The following SLC25A36 variants were observed in gnomAD, a reference collection of about 807,000 sequenced individuals.
SLC25A36 encodes solute carrier family 25 member 36, also known as epididymis secretory sperm binding protein.
A neutral mutation model predicts 35.3 loss-of-function variants in SLC25A36; 24 were observed. The observed-to-expected ratio is 0.68, with a 90% CI of 0.49 to 0.96. SLC25A36 has a LOEUF of 0.96. Among genes scored for constraint, SLC25A36 ranks in the 40% least tolerant of loss-of-function variants. The pLI is 0.00. For synonymous variants in SLC25A36, 141 were observed against 132.2 expected (o/e 1.07, Z -0.46); for missense variants, 294 against 381.1 (o/e 0.77, Z 1.90).
intron 5 of SLC25A36, 126 bp downstream of exon 5, chr3:140,971,119 G>T (rs1229702961): frequency 1.1e-5 from 6 of 542,048 alleles, no homozygotes; most frequent in Non-Finnish European, 2.0e-5. Flanking sequence ...ACTTGGGTCT[G>T]CCATCAGAAA....
chr3:140,945,049 G>C (rs1934125904), intron 1 of SLC25A36, among the ~76,000 whole-genome samples: 1 of 152,212 alleles, frequency 6.6e-6, no homozygotes, highest in East Asian at 1.9e-4. Context: ...ACCAAAAACT[G>C]GTGGCTTATA....
At chr3:140,958,409 G>A (rs980622465) in intron 2 of SLC25A36, among the ~76,000 whole-genome samples, 1 of 152,040 alleles carries the variant, frequency 6.6e-6, no homozygotes, top group Non-Finnish European at 1.5e-5. Context: ...TTGTTAATAT[G>A]GTCTGTTAAT....
chr3:140,976,171 T>C, intron 6 of SLC25A36, 89 bp from the exon 7 acceptor site: 1 of 882,616 alleles, frequency 1.1e-6, no homozygotes, highest in Non-Finnish European at 1.7e-6. Flanking sequence ...GAGCTTACAC[T>C]TACAGACTGA....
Position 140,963,142 on chromosome 3 carries a change from T to C in SLC25A36, c.300T>C (p.Ala100=). Residue 100 remains alanine (A), a synonymous_variant, in exon 4 of 7, where the codon GCT becomes GCC. Transcript: ENST00000324194. ...TCTATTTTAGAGCAATATACTTTGC[T>C]GCTTATTCAAACTGCAAGGAAAAGT... ...GVAPSRAIYF[A]AYSNCKEKLN... is the part of the protein sequence containing the mutation. 6.3e-7 allele frequency: 1 copy of C among 1,585,336 alleles called. No homozygotes were observed. The highest frequency in any genetic ancestry group is 8.5e-7 in the Non-Finnish European group (1 of 1,171,460).
intron 4 of SLC25A36, among the ~76,000 whole-genome samples, chr3:140,967,299 A>G (rs1187928195): frequency 6.6e-6 from 1 of 151,870 alleles, no homozygotes; most frequent in Admixed American, 6.6e-5. Flanking sequence ...CAATATATAT[A>G]TAGCTGTAAA....
At chr3:140,944,313 A>G (rs1454322147) in intron 1 of SLC25A36, among the ~76,000 whole-genome samples, 1 of 152,214 alleles carries the variant, frequency 6.6e-6, no homozygotes, top group Non-Finnish European at 1.5e-5. Context: ...GTTAAACACC[A>G]GCACTGGACC....
rs1193380070 is a variant in SLC25A36 at position 140,976,646 on chromosome 3, A to AC, written c.*193_*194insC. ...GCCTTTCGGTAATGTGAAAAAAAAA[A>AC]AAAACCTCAGAGCCTCCAAGGAAAT... On this transcript the variant is annotated 3_prime_UTR_variant, in exon 7 of 7. Transcript: ENST00000324194. 4.0e-5 allele frequency: 16 copies of AC among 403,862 alleles called. 1 individual carries two copies. The highest frequency in any genetic ancestry group is 5.5e-5 in the Non-Finnish European group (13 of 234,312). 25.0% of individuals were successfully genotyped at this position (403,862 alleles called of 1,614,324 possible). A position where few individuals can be genotyped will look rare whatever the true frequency, so the allele number is the denominator to read the frequency against.
rs1198013477 is a variant in SLC25A36 at position 140,977,577 on chromosome 3, T to G, written c.*1124T>G. 6.6e-6 allele frequency: 1 copy of G among 152,218 alleles called. No homozygotes were observed. The highest frequency in any genetic ancestry group is 1.5e-5 in the Non-Finnish European group (1 of 68,036). 9.4% of individuals were successfully genotyped at this position (152,218 alleles called of 1,614,324 possible). A position where few individuals can be genotyped will look rare whatever the true frequency, so the allele number is the denominator to read the frequency against. ...ACAAGAAATTTATTCTGTCCTAGTTTCCTGCGTGGTAAATCATAGAAAGAT... is the reference window on the plus strand; with the variant it reads ...ACAAGAAATTTATTCTGTCCTAGTTGCCTGCGTGGTAAATCATAGAAAGAT... On this transcript the variant is annotated 3_prime_UTR_variant, in exon 7 of 7. Coordinates refer to ENST00000324194, the MANE Select transcript of SLC25A36 (RefSeq NM_001104647.3).
chr3:140,944,298 G>T (rs1282552334), intron 1 of SLC25A36, among the ~76,000 whole-genome samples: 1 of 152,162 alleles, frequency 6.6e-6, no homozygotes, highest in Non-Finnish European at 1.5e-5. Context: ...CCTAGTAGCT[G>T]TATTGTTAAA....
In SLC25A36 at chr3:140,973,722, CG is replaced by C; in HGVS notation, c.463del (p.Glu155LysfsTer19). On this transcript the variant is annotated frameshift_variant, in exon 6 of 7. Coordinates refer to ENST00000324194, the MANE Select transcript of SLC25A36 (RefSeq NM_001104647.3). LOFTEE classifies it high-confidence loss of function. ...GTTTCTTTTTGCTTTTCAGGAACCG[CG>C]GGGAAAGGCGAATGGGTGCTTTTGA... Reference protein sequence around the residue: ...TRLQLDARNRGERRMGAFECV... With the variant: ...TRLQLDARNRXERRMGAFECV... 1 of 1,466,220 alleles carries C rather than the reference CG, an allele frequency of 6.8e-7. No individual in the cohort carries two copies. 90.8% of individuals were successfully genotyped at this position (1,466,220 alleles called of 1,614,324 possible). A position where few individuals can be genotyped will look rare whatever the true frequency, so the allele number is the denominator to read the frequency against.
intron 4 of SLC25A36, chr3:140,964,156 C>G (rs2107803730): frequency 6.6e-6 from 1 of 152,018 alleles, no homozygotes; most frequent in East Asian, 1.9e-4. Flanking sequence ...CTGTTAAACA[C>G]TTTTGGTTTA....
At chr3:140,965,209 A>G (rs536354152) in intron 4 of SLC25A36, 39 of 151,990 alleles carry the variant, frequency 2.6e-4, no homozygotes, top group African/African-American at 9.1e-4. Context: ...GAATGGTCCA[A>G]TGCAGACTCA....
At chr3:140,971,842 T>C (rs1042589957) in intron 5 of SLC25A36, among the ~76,000 whole-genome samples, 4 of 152,238 alleles carry the variant, frequency 2.6e-5, no homozygotes, top group African/African-American at 9.6e-5. Flanking sequence ...GTGTATAACA[T>C]GTTTCTACTG....
In SLC25A36 at chr3:140,969,956, G is replaced by A. The variant is rs1043953254; in HGVS notation, c.386-971G>A. On this transcript the variant is annotated intron_variant, in intron 4 of 6. Coordinates refer to ENST00000324194, the MANE Select transcript of SLC25A36 (RefSeq NM_001104647.3). ...TTTTATTGAGTAAATGTAACTTAAC[G>A]TAAGTAGTTCTATGAAGTCTGTGTA... Among the ~76,000 whole-genome samples, 15 of 151,992 alleles carry A rather than the reference G, an allele frequency of 9.9e-5. No individual in the cohort carries two copies. In the South Asian group the frequency reaches 2.5e-3, roughly 25 times the overall value.
chr3:140,959,532 C>A lies in SLC25A36; in HGVS notation c.276C>A (p.Ala92=). Residue 92 remains alanine, a synonymous_variant, in exon 3 of 7, where the codon GCC becomes GCA. Transcript: ENST00000324194. The stretch of plus-strand genomic sequence containing the variant: ...TAGGCCCCAATTTAGTGGGGGTAGC[C>A]CCTTCCAGGTAAAAAAAAAAAAAAA... The part of the protein sequence containing the change: ...RGLGPNLVGV[A]PSRAIYFAAY... 1 of 1,465,756 alleles carries A rather than the reference C, an allele frequency of 6.8e-7. No homozygotes were observed. The highest frequency in any genetic ancestry group is 2.7e-5 in the East Asian group (1 of 36,838). The allele number at this position is 1,465,756 out of a possible 1,614,324, so 90.8% of individuals were successfully genotyped here. A position where few individuals can be genotyped will look rare whatever the true frequency, so the allele number is the denominator to read the frequency against.
intron 2 of SLC25A36, among the ~76,000 whole-genome samples, chr3:140,958,964 G>C (rs1158813396): frequency 1.4e-5 from 1 of 73,532 alleles, no homozygotes; most frequent in Admixed American, 1.6e-4. Context: ...AATGTTTTGT[G>C]TGTGTGTGTG....
intron 4 of SLC25A36, chr3:140,964,458 G>C (rs866178126): frequency 1.3e-5 from 2 of 151,712 alleles, no homozygotes; most frequent in Admixed American, 6.6e-5. Context: ...ACATAGATTT[G>C]GATTTTGAGA....
intron 4 of SLC25A36, chr3:140,964,691 C>T (rs1934715506): frequency 1.3e-5 from 2 of 151,674 alleles, no homozygotes; most frequent in African/African-American, 4.8e-5. Flanking sequence ...GGCTTATAAC[C>T]TCAGATAATT....
At chr3:140,974,315 G>C (rs566485288) in intron 6 of SLC25A36, among the ~76,000 whole-genome samples, 2 of 152,010 alleles carry the variant, frequency 1.3e-5, no homozygotes, top group South Asian at 4.2e-4. Flanking sequence ...TGCTATACTA[G>C]ATAGTTTACA....
Sources: gnomAD v4.1 joint callset for allele counts (sites outside exome capture counted in the v4.1 genomes callset) on GRCh38, gnomAD v4.1.1 for gene constraint, MANE v1.5 for transcripts, NCBI Gene and HGNC (gene_info 2026-07-23, HGNC 2026-07-21) for gene names.